The following NELL2 variants were observed in gnomAD, a reference collection of about 807,000 sequenced individuals.
NELL2 encodes neural EGFL like 2, also known as protein kinase C-binding protein NELL2.
A neutral mutation model predicts 109.6 loss-of-function variants in NELL2; 41 were observed. The observed-to-expected ratio is 0.37, with a 90% CI of 0.29 to 0.49. NELL2 has a LOEUF of 0.49. NELL2 is among the 20% of genes least tolerant of loss of function. The pLI is 0.98. For missense variants in NELL2, 900 were observed against 1,008.3 expected (o/e 0.89, Z 1.45); for synonymous variants, 355 against 344.7 (o/e 1.03, Z -0.33).
intron 3 of NELL2, among the ~76,000 whole-genome samples, chr12:44,795,879 G>A (rs983001229): frequency 5.3e-5 from 8 of 152,072 alleles, no homozygotes; most frequent in African/African-American, 1.9e-4. Context: ...AGAAAAGGGT[G>A]CATTTTCTAG....
intron 9 of NELL2, among the ~76,000 whole-genome samples, chr12:44,768,312 G>A (rs964379347): frequency 7.4e-6 from 1 of 134,880 alleles, no homozygotes; most frequent in African/African-American, 2.7e-5. Flanking sequence ...CTTTTTAAAG[G>A]GTTTTTTTTT....
chr12:44,644,608 G>A (rs12322055), intron 13 of NELL2, among the ~76,000 whole-genome samples: 20,902 of 86,772 alleles, frequency 0.24, 2,610 homozygotes, highest in East Asian at 0.37. Flanking sequence ...ATATATGTAT[G>A]TATATATATA....
chr12:44,881,730 G>C (rs1321920541), intron 1 of NELL2: 1 of 151,914 alleles, frequency 6.6e-6, no homozygotes, highest in Non-Finnish European at 1.5e-5. Context: ...TGTTAATCAA[G>C]AAAGAATGTT....
At chr12:44,543,243 TA>T (rs139221742) in intron 15 of NELL2, among the ~76,000 whole-genome samples, 16,427 of 152,252 alleles carry the variant, frequency 0.11, 977 homozygotes, top group Middle Eastern at 0.15. Context: ...AAAGTCCTTA[TA>T]TTCATTCCTC....
chr12:44,579,561 A>T (rs1301458565), intron 15 of NELL2, among the ~76,000 whole-genome samples: 1 of 152,194 alleles, frequency 6.6e-6, no homozygotes, highest in African/African-American at 2.4e-5. Flanking sequence ...TAAAATTTAT[A>T]TTCCCAGCTT....
Position 44,822,467 on chromosome 12 carries a change from G to C in NELL2, c.185-6331C>G, listed in dbSNP as rs1357072720. On this transcript the variant is annotated intron_variant, in intron 2 of 19. Transcript: ENST00000429094. ...TTAACATACAATCCTGCCTACCCTAGAAAACTACGAAAGATCATTCTTTTA... is the reference window on the plus strand; with the variant it reads ...TTAACATACAATCCTGCCTACCCTACAAAACTACGAAAGATCATTCTTTTA... Among the ~76,000 whole-genome samples the C allele has an allele frequency of 4.6e-5, 7 of 152,104 alleles. No individual in the cohort carries two copies. In the East Asian group the frequency reaches 5.8e-4, roughly 13 times the overall value.
chr12:44,840,008 CAT>C (rs1944174141), intron 2 of NELL2, among the ~76,000 whole-genome samples: 1 of 152,214 alleles, frequency 6.6e-6, no homozygotes, highest in Non-Finnish European at 1.5e-5. Flanking sequence ...CACTCTCCCA[CAT>C]GTGTGCTGCA....
chr12:44,865,290 G>T (rs1027887708), intron 2 of NELL2, among the ~76,000 whole-genome samples: 2 of 141,278 alleles, frequency 1.4e-5, no homozygotes, highest in African/African-American at 5.3e-5. Flanking sequence ...CGATGAGTAG[G>T]TTGCAAAAAT....
chr12:44,900,849 T>A (rs886432484), intron 1 of NELL2, among the ~76,000 whole-genome samples: 1 of 151,758 alleles, frequency 6.6e-6, no homozygotes, highest in African/African-American at 2.4e-5. Flanking sequence ...ATTGGCTGGG[T>A]GTGATGGCAT....
At chr12:44,545,269 C>A (rs1315112573) in intron 15 of NELL2, among the ~76,000 whole-genome samples, 1 of 151,980 alleles carries the variant, frequency 6.6e-6, no homozygotes, top group African/African-American at 2.4e-5. Context: ...GTGTAAGATA[C>A]AAGACTTACA....
intron 2 of NELL2, among the ~76,000 whole-genome samples, chr12:44,868,582 T>C (rs2658949): frequency 0.052 from 7,912 of 152,256 alleles, 393 homozygotes; most frequent in East Asian, 0.18. Flanking sequence ...TCCTGTTATT[T>C]GAGACAACGT....
intron 1 of NELL2, among the ~76,000 whole-genome samples, chr12:44,897,509 G>A (rs542681997): frequency 7.9e-5 from 12 of 152,184 alleles, no homozygotes; most frequent in Admixed American, 3.9e-4. Flanking sequence ...CCAAGGAAGC[G>A]CAAGGGGTTG....
chr12:44,517,280 AACAGAGGTCCAC>A (rs1941313299), intron 19 of NELL2, among the ~76,000 whole-genome samples: 1 of 152,036 alleles, frequency 6.6e-6, no homozygotes, highest in Non-Finnish European at 1.5e-5. Context: ...CTAATGTTAG[AACAGAGGTCCAC>A]TGGCACAACT....
At chr12:44,762,717 A>T (rs987081967) in intron 9 of NELL2, among the ~76,000 whole-genome samples, 2 of 151,968 alleles carry the variant, frequency 1.3e-5, no homozygotes, top group African/African-American at 4.8e-5. Context: ...TCTCCTCTTC[A>T]CTAGTTAAAT....
At chr12:44,693,058 A>G (rs1948947151) in intron 12 of NELL2, among the ~76,000 whole-genome samples, 1 of 152,186 alleles carries the variant, frequency 6.6e-6, no homozygotes, top group Admixed American at 6.5e-5. Context: ...ATAGCATTGC[A>G]TGCTACAGAG....
chr12:44,512,234 A>T (rs193025017), intron 19 of NELL2, among the ~76,000 whole-genome samples: 1 of 152,240 alleles, frequency 6.6e-6, no homozygotes, highest in Admixed American at 6.5e-5. Context: ...AAAATGCTCA[A>T]CATCACTAAT....
chr12:44,520,178 A>G lies in NELL2; in HGVS notation c.2227T>C (p.Phe743Leu), dbSNP rs1240718590. ...CACTCATTCTCTGGGAGAATGCTGA[A>G]TTCACACTCCACATCTGGGCAAGGC... Reference protein sequence around the residue: ...PLPCPDVECEFSILPENECCP... With the variant: ...PLPCPDVECELSILPENECCP... Residue 743 changes from phenylalanine (F) to leucine (L), a missense_variant, in exon 19 of 20, where the codon TTC becomes CTC. Coordinates refer to ENST00000429094, the MANE Select transcript of NELL2 (RefSeq NM_001145108.2). The G allele has an allele frequency of 1.2e-6, 2 of 1,613,648 alleles. No individual in the cohort carries two copies. The highest frequency in any genetic ancestry group is 1.3e-5 in the African/African-American group (1 of 74,882).
intron 9 of NELL2, among the ~76,000 whole-genome samples, chr12:44,729,721 A>C (rs1939269138): frequency 6.8e-6 from 1 of 147,614 alleles, no homozygotes; most frequent in Non-Finnish European, 1.5e-5. Flanking sequence ...TTTTTTTTTG[A>C]GATGGATTAC....
Position 44,665,495 on chromosome 12 carries a change from T to C in NELL2, c.1433A>G (p.Tyr478Cys). 6.2e-7 allele frequency: 1 copy of C among 1,611,848 alleles called. No homozygotes were observed. The highest frequency in any genetic ancestry group is 8.5e-7 in the Non-Finnish European group (1 of 1,178,536). Residue 478 changes from tyrosine to cysteine, a missense_variant, in exon 13 of 20, where the codon TAT becomes TGT. Transcript: ENST00000429094. ...TAGCCACCGTTTACCTGTACATGAATAATCATCAATTCTGATGTATCCAGT... is the reference window on the plus strand; with the variant it reads ...TAGCCACCGTTTACCTGTACATGAACAATCATCAATTCTGATGTATCCAGT... ...CKTGYIRIDD[Y>C]SCTEHDECIT...
Sources: allele counts gnomAD v4.1 joint callset (sites outside exome capture counted in the v4.1 genomes callset), GRCh38; gene constraint gnomAD v4.1.1; transcripts MANE v1.5; gene names NCBI Gene and HGNC (gene_info 2026-07-23, HGNC 2026-07-21).